Variants in NFIA observed in about 807,000 individuals in gnomAD.
The protein encoded by NFIA is nuclear factor I A.
Under a neutral mutation model 62.8 loss-of-function variants are expected in NFIA, and 8 were observed. That is an observed-to-expected ratio of 0.13 (90% confidence interval 0.07 to 0.23). The LOEUF (loss-of-function observed/expected upper bound fraction) is 0.23, where lower values mean the gene tolerates loss of function less well. Among genes scored for constraint, NFIA ranks in the 10% least tolerant of loss-of-function variants. The pLI is 1.00. For synonymous variants in NFIA, 235 were observed against 238.1 expected (o/e 0.99, Z 0.12); for missense variants, 410 against 642.1 (o/e 0.64, Z 3.91).
chr1:61,279,489 T>C (rs965450614), intron 3 of NFIA, among the ~76,000 whole-genome samples: 4 of 152,132 alleles, frequency 2.6e-5, no homozygotes, highest in Admixed American at 2.6e-4. Flanking sequence ...TAAAGAGTGG[T>C]ATTTATAGAC....
At chr1:61,319,353 A>G (rs1324008358) in intron 3 of NFIA, among the ~76,000 whole-genome samples, 3 of 152,204 alleles carry the variant, frequency 2.0e-5, no homozygotes, top group Non-Finnish European at 2.9e-5. Flanking sequence ...CTTCCATTAC[A>G]TCTCAAGAAT....
chr1:61,399,390 C>T (rs954920493), intron 7 of NFIA, among the ~76,000 whole-genome samples: 5 of 152,220 alleles, frequency 3.3e-5, no homozygotes, highest in East Asian at 1.9e-4. Context: ...TCTTTGGAGC[C>T]TCCCATAGAA....
intron 6 of NFIA, among the ~76,000 whole-genome samples, chr1:61,379,727 ATT>A (rs1557743672): frequency 1.3e-5 from 2 of 151,768 alleles, no homozygotes; most frequent in Non-Finnish European, 2.9e-5. Context: ...TTAAAAATTA[ATT>A]TTTTGTAGAG....
At chr1:61,454,568 C>A (rs934370942) in intron 10 of NFIA, among the ~76,000 whole-genome samples, 2 of 152,160 alleles carry the variant, frequency 1.3e-5, no homozygotes, top group African/African-American at 2.4e-5. Flanking sequence ...AGAGTAAAAT[C>A]TTGATCCTAC....
chr1:61,327,415 G>C (rs575215009), intron 3 of NFIA, among the ~76,000 whole-genome samples: 18 of 151,790 alleles, frequency 1.2e-4, no homozygotes, highest in African/African-American at 4.3e-4. Flanking sequence ...TCCCTACACA[G>C]CCGCCCCCTC....
At chr1:61,140,088 A>G (rs779618181) in intron 2 of NFIA, among the ~76,000 whole-genome samples, 9 of 152,094 alleles carry the variant, frequency 5.9e-5, no homozygotes, top group Non-Finnish European at 7.4e-5. Context: ...CTCACCCCCT[A>G]AACTCTAAAT....
chr1:61,402,230 G>A (rs150013252), intron 7 of NFIA, among the ~76,000 whole-genome samples: 97 of 151,556 alleles, frequency 6.4e-4, no homozygotes, highest in South Asian at 8.4e-4. Flanking sequence ...AGTAGAGATG[G>A]GGTTTCACCG....
intron 2 of NFIA, among the ~76,000 whole-genome samples, chr1:61,258,149 T>C (rs1404174381): frequency 3.9e-5 from 6 of 152,230 alleles, no homozygotes; most frequent in Admixed American, 3.9e-4. Flanking sequence ...TAATAAAATG[T>C]AGATACATAA....
chr1:61,278,705 T>G (rs1657960173), intron 3 of NFIA, among the ~76,000 whole-genome samples: 1 of 152,096 alleles, frequency 6.6e-6, no homozygotes, highest in African/African-American at 2.4e-5. Flanking sequence ...GCAGGAGAAT[T>G]GCTTGAACCT....
chr1:61,393,920 C>T (rs951250504), intron 7 of NFIA, among the ~76,000 whole-genome samples: 2 of 152,204 alleles, frequency 1.3e-5, no homozygotes, highest in African/African-American at 2.4e-5. Flanking sequence ...CACTTGAAAA[C>T]AGTTCGGCTC....
In NFIA at chr1:61,455,283, T is replaced by A; in HGVS notation, c.1513-20T>A. The A allele has an allele frequency of 6.2e-7, 1 of 1,613,196 alleles. No homozygotes were observed. Among genetic ancestry groups the A allele is most frequent in the Non-Finnish European group, 8.5e-7 (1 of 1,179,638 alleles). ...TTTACAAATTGTGATTTTAATTGTA[T>A]TTTTCCTTTTGTCTTCCAGTCCTGG... On this transcript the variant is annotated intron_variant, in intron 10 of 10. Transcript: ENST00000403491.
intron 5 of NFIA, among the ~76,000 whole-genome samples, chr1:61,356,988 T>A (rs188971572): frequency 2.9e-3 from 435 of 152,332 alleles, no homozygotes; most frequent in Non-Finnish European, 5.0e-3. Context: ...ATTACCAAAG[T>A]AACTTTTCTA....
chr1:61,082,841 A>G, intron 1 of NFIA, 23 bp downstream of exon 1: 1 of 1,423,422 alleles, frequency 7.0e-7, no homozygotes, highest in African/African-American at 1.5e-5. Context: ...GTGGATGCGG[A>G]GGGCTTGGGG....
intron 7 of NFIA, among the ~76,000 whole-genome samples, chr1:61,393,613 G>A (rs61770546): frequency 0.013 from 1,932 of 152,090 alleles, 19 homozygotes; most frequent in Non-Finnish European, 0.018. Context: ...GGTGTGACCC[G>A]GCTTCCCTGT....
chr1:61,189,543 T>G (rs902254306), intron 2 of NFIA, among the ~76,000 whole-genome samples: 2 of 152,056 alleles, frequency 1.3e-5, no homozygotes, highest in African/African-American at 4.8e-5. Context: ...CGCGCAGCTG[T>G]AGTCCCAGCT....
chr1:61,117,466 C>T (rs1646811123), intron 2 of NFIA, among the ~76,000 whole-genome samples: 1 of 151,276 alleles, frequency 6.6e-6, no homozygotes. Context: ...TTTCTCTCCA[C>T]CTTAATCCTT....
chr1:61,452,346 T>G (rs1047503249), intron 10 of NFIA, among the ~76,000 whole-genome samples: 10 of 152,218 alleles, frequency 6.6e-5, no homozygotes, highest in African/African-American at 2.4e-4. Flanking sequence ...AAAAATTCCC[T>G]GTGTGGTTCC....
intron 10 of NFIA, among the ~76,000 whole-genome samples, chr1:61,430,130 A>G (rs954616525): frequency 2.0e-5 from 3 of 152,184 alleles, no homozygotes; most frequent in Admixed American, 2.0e-4. Context: ...AAAAAGTTCT[A>G]AAGTCCTTTT....
intron 3 of NFIA, among the ~76,000 whole-genome samples, chr1:61,303,901 G>A (rs945092162): frequency 6.6e-6 from 1 of 152,272 alleles, no homozygotes; most frequent in African/African-American, 2.4e-5. Flanking sequence ...TCTTTATGCT[G>A]TTCCGAGTAC....
Sources: gnomAD v4.1 joint callset for allele counts (sites outside exome capture counted in the v4.1 genomes callset) on GRCh38, gnomAD v4.1.1 for gene constraint, MANE v1.5 for transcripts, NCBI Gene and HGNC (gene_info 2026-07-23, HGNC 2026-07-21) for gene names.